The following LOC128706665 variants were observed in gnomAD, a reference collection of about 807,000 sequenced individuals.
the LOC128706665 span, among the ~76,000 whole-genome samples, chr20:10,421,416 C>CAAAAAA: frequency 1.2e-5 from 1 of 86,116 alleles, no homozygotes. Flanking sequence ...GACTCCATCA[C>CAAAAAA]AAAAAAAAAA....
At chr20:10,431,302 A>G in the LOC128706665 span, among the ~76,000 whole-genome samples, 1 of 152,166 alleles carries the variant, frequency 6.6e-6, no homozygotes, top group Non-Finnish European at 1.5e-5. Flanking sequence ...CATGTATCCC[A>G]CATTCACAAT....
chr20:10,423,920 T>G, the LOC128706665 span, among the ~76,000 whole-genome samples: 1 of 152,234 alleles, frequency 6.6e-6, no homozygotes, highest in Non-Finnish European at 1.5e-5. Flanking sequence ...ATTGCTTTAA[T>G]GTTTACTGAA....
the LOC128706665 span, among the ~76,000 whole-genome samples, chr20:10,422,781 A>G: frequency 1.3e-5 from 2 of 149,410 alleles, no homozygotes; most frequent in Non-Finnish European, 3.0e-5. Context: ...GTGCGATCTC[A>G]GCTCACTGCA....
the LOC128706665 span, chr20:10,434,125 C>CGCCGCCCCAG: frequency 4.1e-5 from 6 of 147,722 alleles, no homozygotes; most frequent in Non-Finnish European, 9.0e-5. Context: ...CCAGCCGTCG[C>CGCCGCCCCAG]GCCGCCCCAG....
chr20:10,414,254 G>A, the LOC128706665 span, among the ~76,000 whole-genome samples: 1 of 150,178 alleles, frequency 6.7e-6, no homozygotes, highest in Non-Finnish European at 1.5e-5. Context: ...CAGAGAATTA[G>A]GTCTCTGAGT....
At chr20:10,425,673 T>C in the LOC128706665 span, among the ~76,000 whole-genome samples, 568 of 152,318 alleles carry the variant, frequency 3.7e-3, 8 homozygotes, top group African/African-American at 0.013. Flanking sequence ...AAAACAAAGA[T>C]TTCTCAAGAA....
At chr20:10,422,924 G>A in the LOC128706665 span, among the ~76,000 whole-genome samples, 1 of 151,984 alleles carries the variant, frequency 6.6e-6, no homozygotes, top group East Asian at 1.9e-4. Flanking sequence ...TGTTAGCCAG[G>A]ATGGTCTCGA....
the LOC128706665 span, among the ~76,000 whole-genome samples, chr20:10,414,282 T>TTTTTTTA: frequency 6.6e-6 from 1 of 150,942 alleles, no homozygotes; most frequent in African/African-American, 2.4e-5. Context: ...TTTTTTTTTT[T>TTTTTTTA]GAGATGGAGT....
At chr20:10,426,699 G>A in the LOC128706665 span, among the ~76,000 whole-genome samples, 2 of 152,206 alleles carry the variant, frequency 1.3e-5, no homozygotes, top group Non-Finnish European at 2.9e-5. Flanking sequence ...ACGCCCCGTG[G>A]CATGTCCTTG....
At chr20:10,428,213 T>TAGAGTGGTTTATAGA in the LOC128706665 span, among the ~76,000 whole-genome samples, 1 of 152,214 alleles carries the variant, frequency 6.6e-6, no homozygotes, top group Admixed American at 6.5e-5. Flanking sequence ...TGTCTGAGAA[T>TAGAGTGGTTTATAGA]CCTGTCCCCT....
At chr20:10,426,519 C>A in the LOC128706665 span, among the ~76,000 whole-genome samples, 3 of 152,220 alleles carry the variant, frequency 2.0e-5, no homozygotes, top group African/African-American at 7.2e-5. Flanking sequence ...CGTACCTCAG[C>A]CTCCCAGGTA....
chr20:10,416,674 T>C, the LOC128706665 span, among the ~76,000 whole-genome samples: 4 of 152,200 alleles, frequency 2.6e-5, no homozygotes, highest in South Asian at 8.3e-4. Flanking sequence ...AACTGAATAG[T>C]TGACGATGGA....
At chr20:10,427,029 G>GACACACACACACACAC in the LOC128706665 span, among the ~76,000 whole-genome samples, 1,298 of 130,714 alleles carry the variant, frequency 9.9e-3, 25 homozygotes, top group Non-Finnish European at 0.012. Flanking sequence ...AGAAAACACT[G>GACACACACACACACAC]ACACACACAC....
the LOC128706665 span, among the ~76,000 whole-genome samples, chr20:10,427,063 C>CACACACACACAA: frequency 8.9e-5 from 13 of 145,394 alleles, no homozygotes; most frequent in African/African-American, 3.0e-4. Context: ...CACACACACA[C>CACACACACACAA]ACACACACAC....
the LOC128706665 span, among the ~76,000 whole-genome samples, chr20:10,419,682 C>T: frequency 2.0e-5 from 3 of 152,148 alleles, no homozygotes; most frequent in Non-Finnish European, 4.4e-5. Context: ...TGAACATAAG[C>T]GCGGAGATAC....
At chr20:10,432,689 G>A in the LOC128706665 span, among the ~76,000 whole-genome samples, 12 of 149,578 alleles carry the variant, frequency 8.0e-5, no homozygotes, top group African/African-American at 2.7e-4. Context: ...AAACTTCTCC[G>A]GAGGCTAAGG....
the LOC128706665 span, among the ~76,000 whole-genome samples, chr20:10,415,422 C>T: frequency 6.6e-6 from 1 of 152,120 alleles, no homozygotes; most frequent in Admixed American, 6.6e-5. Context: ...TTTTGGTTAC[C>T]ATTCCCAATT....
At chr20:10,430,176 AC>A in the LOC128706665 span, among the ~76,000 whole-genome samples, 1 of 152,210 alleles carries the variant, frequency 6.6e-6, no homozygotes, top group Non-Finnish European at 1.5e-5. Context: ...GATCCTGCCT[AC>A]CAGTTTTCAG....
the LOC128706665 span, among the ~76,000 whole-genome samples, chr20:10,422,303 C>T: frequency 2.0e-5 from 3 of 152,124 alleles, no homozygotes; most frequent in East Asian, 5.8e-4. Context: ...CCTTTTCTAA[C>T]GTACTGTGGT....
Sources: allele counts gnomAD v4.1 joint callset (sites outside exome capture counted in the v4.1 genomes callset), GRCh38; gene constraint gnomAD v4.1.1; transcripts MANE v1.5.